NME7: variants seen among roughly 807,000 people sequenced by gnomAD.
NME7 encodes nucleoside diphosphate kinase 7.
NME7 carries 41 observed loss-of-function variants against 49.1 expected under a neutral mutation model. The observed-to-expected ratio is 0.83, with a 90% CI of 0.65 to 1.08. NME7 has a LOEUF of 1.08. Ranked by LOEUF, NME7 falls within the 50% of genes least tolerant of loss-of-function variation. The probability of loss-of-function intolerance (pLI) is 0.00; values close to 1 mark genes in which losing one functional copy is unlikely to be tolerated. For synonymous variants in NME7, 139 were observed against 150.6 expected (o/e 0.92, Z 0.56); for missense variants, 423 against 463.4 (o/e 0.91, Z 0.80).
At chr1:169,322,159 A>G (rs186532457) in intron 3 of NME7, 23 of 152,340 alleles carry the variant, frequency 1.5e-4, no homozygotes, top group East Asian at 5.8e-4. Flanking sequence ...CTTGTTTTCT[A>G]TAAGTCTAAT....
At chr1:169,301,076 T>C (rs377424514) in intron 5 of NME7, among the ~76,000 whole-genome samples, 3 of 151,856 alleles carry the variant, frequency 2.0e-5, no homozygotes, top group African/African-American at 7.3e-5. Context: ...AAAACAAAAA[T>C]TGACGAGTGG....
chr1:169,344,461 A>G (rs958975317), intron 1 of NME7, among the ~76,000 whole-genome samples: 3 of 152,150 alleles, frequency 2.0e-5, no homozygotes, highest in Non-Finnish European at 4.4e-5. Context: ...CTTGTTCCCA[A>G]TCTCAGGAAG....
chr1:169,320,938 G>T (rs540698910), intron 3 of NME7, among the ~76,000 whole-genome samples: 1 of 152,080 alleles, frequency 6.6e-6, no homozygotes, highest in Non-Finnish European at 1.5e-5. Flanking sequence ...AACAAAACAC[G>T]GTTTTCTGGT....
intron 10 of NME7, among the ~76,000 whole-genome samples, chr1:169,188,639 CATTCGGTATTA>C (rs1347800315): frequency 6.6e-6 from 1 of 152,180 alleles, no homozygotes; most frequent in East Asian, 1.9e-4. Context: ...AACCTATTGT[CATTCGGTATTA>C]ATCAAAACCT....
At chr1:169,249,481 C>T (rs779850899) in intron 7 of NME7, among the ~76,000 whole-genome samples, 1 of 152,034 alleles carries the variant, frequency 6.6e-6, no homozygotes, top group Admixed American at 6.6e-5. Context: ...GTTTCTTATC[C>T]TTGCCTGATT....
chr1:169,320,768 T>C (rs551499338), intron 3 of NME7, among the ~76,000 whole-genome samples: 1 of 152,324 alleles, frequency 6.6e-6, no homozygotes, highest in East Asian at 1.9e-4. Context: ...TACATATATT[T>C]TCATTTTCAT....
At chr1:169,343,542 A>G (rs1227566387) in intron 1 of NME7, among the ~76,000 whole-genome samples, 1 of 147,356 alleles carries the variant, frequency 6.8e-6, no homozygotes, top group Non-Finnish European at 1.5e-5. Flanking sequence ...CCCAGGCTGG[A>G]GTGCAATGGC....
intron 7 of NME7, among the ~76,000 whole-genome samples, chr1:169,254,540 G>A (rs1399290578): frequency 6.6e-6 from 1 of 151,424 alleles, no homozygotes; most frequent in African/African-American, 2.4e-5. Context: ...ATTTTTTGAA[G>A]GGTTTTTTGT....
intron 7 of NME7, among the ~76,000 whole-genome samples, chr1:169,274,812 T>C (rs373604477): frequency 7.5e-6 from 1 of 133,550 alleles, no homozygotes; most frequent in East Asian, 2.0e-4. Flanking sequence ...CTCTGTTGTG[T>C]TCCATTCATC....
chr1:169,175,021 C>A (rs1207205008), intron 10 of NME7, among the ~76,000 whole-genome samples: 3 of 151,700 alleles, frequency 2.0e-5, no homozygotes, highest in African/African-American at 7.3e-5. Flanking sequence ...CTTTTTTTGA[C>A]TCTTTTGTAA....
chr1:169,158,750 T>G (rs1352604907), intron 11 of NME7, among the ~76,000 whole-genome samples: 1 of 152,078 alleles, frequency 6.6e-6, no homozygotes, highest in East Asian at 1.9e-4. Flanking sequence ...AATCCCCGAG[T>G]TGCTAAGCAG....
At chr1:169,355,344 T>TAC (rs1653430725) in intron 1 of NME7, among the ~76,000 whole-genome samples, 2 of 90,888 alleles carry the variant, frequency 2.2e-5, no homozygotes, top group Non-Finnish European at 2.1e-5. Flanking sequence ...GTATATTATA[T>TAC]TATATATATT....
At chr1:169,359,108 C>T (rs748191324) in intron 1 of NME7, among the ~76,000 whole-genome samples, 22 of 152,032 alleles carry the variant, frequency 1.4e-4, no homozygotes, top group South Asian at 2.1e-4. Context: ...AATCCTTAGA[C>T]GCTCAAGTCC....
chr1:169,251,572 T>TTTTTTTA (rs1553250311), intron 7 of NME7, among the ~76,000 whole-genome samples: 1 of 132,220 alleles, frequency 7.6e-6, no homozygotes, highest in East Asian at 2.5e-4. Context: ...TTTTTTTTTT[T>TTTTTTTA]ATTATACTTT....
chr1:169,156,434 A>T (rs1281814508), intron 11 of NME7, among the ~76,000 whole-genome samples: 2 of 152,196 alleles, frequency 1.3e-5, no homozygotes, highest in East Asian at 3.8e-4. Context: ...AGATTCTTAA[A>T]TGCCCCCTGT....
At chr1:169,210,505 A>C (rs552944127) in intron 10 of NME7, among the ~76,000 whole-genome samples, 7 of 152,282 alleles carry the variant, frequency 4.6e-5, no homozygotes, top group African/African-American at 1.7e-4. Flanking sequence ...GTATTCATCT[A>C]GAAACTATGT....
At chr1:169,228,683 CAAAAAA>C (rs747705690) in intron 10 of NME7, among the ~76,000 whole-genome samples, 1 of 90,426 alleles carries the variant, frequency 1.1e-5, no homozygotes, top group African/African-American at 5.5e-5. Flanking sequence ...GACTCCGTCT[CAAAAAA>C]AAAAAAAAAA....
intron 10 of NME7, among the ~76,000 whole-genome samples, chr1:169,207,400 A>C (rs1350463697): frequency 6.6e-6 from 1 of 152,092 alleles, no homozygotes; most frequent in Non-Finnish European, 1.5e-5. Context: ...CAAGCAAACC[A>C]AACTAGAGCA....
At chr1:169,346,760 T>C (rs1186465997) in intron 1 of NME7, among the ~76,000 whole-genome samples, 1 of 152,234 alleles carries the variant, frequency 6.6e-6, no homozygotes, top group Admixed American at 6.5e-5. Context: ...GGTATATGCA[T>C]TGCATATATC....
Sources: allele counts gnomAD v4.1 joint callset (sites outside exome capture counted in the v4.1 genomes callset), GRCh38; gene constraint gnomAD v4.1.1; transcripts MANE v1.5; gene names NCBI Gene and HGNC (gene_info 2026-07-23, HGNC 2026-07-21).